The following OR2L13 variants were observed in gnomAD, a reference collection of about 807,000 sequenced individuals.
The protein encoded by OR2L13 is olfactory receptor 2L13.
A neutral mutation model predicts 15.3 loss-of-function variants in OR2L13; 14 were observed. The ratio of observed to expected loss-of-function variants is 0.91; its 90% confidence interval spans 0.60 to 1.43. The LOEUF (loss-of-function observed/expected upper bound fraction) is 1.43. Ranked by LOEUF, OR2L13 falls within the 40% of genes most tolerant of loss-of-function variation. The probability of loss-of-function intolerance (pLI) is 0.00; values close to 1 mark genes in which losing one functional copy is unlikely to be tolerated. For missense variants in OR2L13, 367 were observed against 387.9 expected (o/e 0.95, Z 0.45); for synonymous variants, 152 against 142.9 (o/e 1.06, Z -0.45).
chr1:247,960,422 A>C, the OR2L13 span, among the ~76,000 whole-genome samples: 9 of 152,200 alleles, frequency 5.9e-5, no homozygotes, highest in Admixed American at 2.0e-4. Flanking sequence ...GTCTGTTCTC[A>C]GATCTTCAGC....
chr1:248,002,447 C>G, the OR2L13 span, among the ~76,000 whole-genome samples: 1 of 152,334 alleles, frequency 6.6e-6, no homozygotes, highest in East Asian at 1.9e-4. Flanking sequence ...ACAGTGGGTA[C>G]TTCATGTAAG....
At chr1:247,964,211 T>C in the OR2L13 span, among the ~76,000 whole-genome samples, 2 of 152,218 alleles carry the variant, frequency 1.3e-5, no homozygotes, top group African/African-American at 2.4e-5. Flanking sequence ...GTCTCTCATT[T>C]TTATTGACAT....
chr1:247,982,826 A>G, the OR2L13 span, among the ~76,000 whole-genome samples: 1 of 152,142 alleles, frequency 6.6e-6, no homozygotes, highest in South Asian at 2.1e-4. Context: ...TTGTGATTTA[A>G]AAATTTTTAT....
At chr1:247,967,509 A>C in the OR2L13 span, among the ~76,000 whole-genome samples, 2 of 152,182 alleles carry the variant, frequency 1.3e-5, no homozygotes, top group East Asian at 3.9e-4. Context: ...GATTACAGGC[A>C]TGAGCCACTG....
At chr1:248,058,343 G>T in the OR2L13 span, among the ~76,000 whole-genome samples, 1 of 152,018 alleles carries the variant, frequency 6.6e-6, no homozygotes, top group Non-Finnish European at 1.5e-5. Flanking sequence ...CTTGATCCAT[G>T]ATACAGACCC....
chr1:248,043,901 A>G, the OR2L13 span, among the ~76,000 whole-genome samples: 1 of 152,130 alleles, frequency 6.6e-6, no homozygotes, highest in East Asian at 1.9e-4. Context: ...TAATTAGTAT[A>G]TTTTTCAAGA....
the OR2L13 span, among the ~76,000 whole-genome samples, chr1:248,053,424 A>T: frequency 6.6e-6 from 1 of 152,272 alleles, no homozygotes; most frequent in Admixed American, 6.5e-5. Context: ...TACACATGCC[A>T]GTACCTTTAT....
chr1:248,093,088 T>A (rs1374778190), upstream of OR2L13, among the ~76,000 whole-genome samples: 1 of 151,960 alleles, frequency 6.6e-6, no homozygotes, highest in Admixed American at 6.6e-5. Context: ...TGGTACAGAA[T>A]GAGGGAGGCT....
At chr1:248,064,552 A>G in the OR2L13 span, among the ~76,000 whole-genome samples, 3 of 152,158 alleles carry the variant, frequency 2.0e-5, no homozygotes, top group Non-Finnish European at 4.4e-5. Context: ...AGTTGTTATT[A>G]CTGGAAAAAG....
At chr1:247,977,970 A>G in the OR2L13 span, among the ~76,000 whole-genome samples, 1 of 152,102 alleles carries the variant, frequency 6.6e-6, no homozygotes, top group Non-Finnish European at 1.5e-5. Flanking sequence ...GTCATCTCCA[A>G]GTCTCTCCAG....
the OR2L13 span, among the ~76,000 whole-genome samples, chr1:248,066,603 AT>A: frequency 4.6e-5 from 7 of 152,190 alleles, no homozygotes; most frequent in African/African-American, 1.7e-4. Context: ...AATCTCAGCT[AT>A]TTTGTCTCAC....
chr1:247,999,687 G>T, the OR2L13 span, among the ~76,000 whole-genome samples: 3 of 152,058 alleles, frequency 2.0e-5, no homozygotes, highest in Non-Finnish European at 2.9e-5. Flanking sequence ...TCCTTGTCTA[G>T]ACTCCAGAGG....
the OR2L13 span, chr1:248,038,965 GGAA>G: frequency 3.7e-6 from 6 of 1,614,090 alleles, no homozygotes; most frequent in Non-Finnish European, 5.1e-6. Flanking sequence ...GCAGAAGGGA[GGAA>G]GAAGGCCTAT....
At chr1:247,957,171 C>T in the OR2L13 span, among the ~76,000 whole-genome samples, 1 of 151,872 alleles carries the variant, frequency 6.6e-6, no homozygotes, top group African/African-American at 2.4e-5. Context: ...TGAATTTTGT[C>T]GAAGGCCTTT....
the OR2L13 span, among the ~76,000 whole-genome samples, chr1:248,054,285 T>C: frequency 6.6e-6 from 1 of 152,186 alleles, no homozygotes; most frequent in Non-Finnish European, 1.5e-5. Flanking sequence ...CAGTTTTATT[T>C]CTGAGTTTTC....
At chr1:248,099,261 TA>T in intron 2 of OR2L13, 96 bp from the exon 3 acceptor site, 1 of 724,770 alleles carries the variant, frequency 1.4e-6, no homozygotes, top group Non-Finnish European at 2.3e-6. Flanking sequence ...CAACTCATTC[TA>T]AACAAACATT....
chr1:248,062,599 G>C, the OR2L13 span: 1 of 152,152 alleles, frequency 6.6e-6, no homozygotes, highest in East Asian at 1.9e-4. Context: ...GATAAAGTGG[G>C]GATGGCTAAT....
the OR2L13 span, chr1:248,039,809 T>C: frequency 6.6e-6 from 1 of 152,214 alleles, no homozygotes; most frequent in Non-Finnish European, 1.5e-5. Context: ...ATAGTTTTTA[T>C]TTACTCTCAA....
the OR2L13 span, among the ~76,000 whole-genome samples, chr1:248,032,124 A>G: frequency 6.6e-6 from 1 of 152,140 alleles, no homozygotes; most frequent in Non-Finnish European, 1.5e-5. Context: ...TTTCCAAATG[A>G]CATGTATAAA....
Sources: gnomAD v4.1 joint callset for allele counts (sites outside exome capture counted in the v4.1 genomes callset) on GRCh38, gnomAD v4.1.1 for gene constraint, MANE v1.5 for transcripts, NCBI Gene and HGNC (gene_info 2026-07-23, HGNC 2026-07-21) for gene names.